SETX: variants seen among roughly 807,000 people sequenced by gnomAD.
The protein encoded by SETX is senataxin, also known as helicase senataxin.
A neutral mutation model predicts 227.2 loss-of-function variants in SETX; 90 were observed. The observed-to-expected ratio is 0.40, with a 90% CI of 0.33 to 0.47. The LOEUF is 0.47. Ranked by LOEUF, SETX falls within the 20% of genes least tolerant of loss-of-function variation. The pLI, the probability that SETX is intolerant of heterozygous loss-of-function variation, is 0.91. For missense variants in SETX, 3,052 were observed against 3,181.5 expected, an observed-to-expected ratio of 0.96 and a Z score of 0.98; for synonymous variants, 1,210 against 1,113.2, an observed-to-expected ratio of 1.09 and a Z score of -1.73.
intron 21 of SETX, among the ~76,000 whole-genome samples, chr9:132,277,789 CAAAA>C (rs372125008): frequency 1.5e-5 from 1 of 68,098 alleles, no homozygotes; most frequent in African/African-American, 4.9e-5. Flanking sequence ...ACCCTGTCTT[CAAAA>C]AAAAAAAAAA....
At chr9:132,278,401 G>C (rs964405540) in intron 20 of SETX, 144 bp from the exon 21 acceptor site, 7 of 487,656 alleles carry the variant, frequency 1.4e-5, no homozygotes, top group African/African-American at 3.9e-5. Flanking sequence ...AGAGAAAAAA[G>C]GTGTTTCTGA....
chr9:132,292,660 C>T (rs868817585), intron 15 of SETX, among the ~76,000 whole-genome samples: 2 of 137,744 alleles, frequency 1.5e-5, no homozygotes, highest in Admixed American at 7.6e-5. Flanking sequence ...ACAAGAGTCT[C>T]GCTCTGTCAC....
At chr9:132,341,964 T>C (rs1848001900) in intron 5 of SETX, among the ~76,000 whole-genome samples, 1 of 152,218 alleles carries the variant, frequency 6.6e-6, no homozygotes. Flanking sequence ...TTTTTTTTAA[T>C]ATCATTGGTA....
At chr9:132,293,420 T>C (rs2131272273) in intron 15 of SETX, among the ~76,000 whole-genome samples, 1 of 152,208 alleles carries the variant, frequency 6.6e-6, no homozygotes, top group African/African-American at 2.4e-5. Context: ...TCATTTGCTC[T>C]CTTATTTATT....
chr9:132,270,945 G>T (rs1448013656), intron 24 of SETX, among the ~76,000 whole-genome samples: 1 of 152,236 alleles, frequency 6.6e-6, no homozygotes, highest in Non-Finnish European at 1.5e-5. Flanking sequence ...GAGGGGCAAA[G>T]ATTACTTTAA....
Position 132,334,471 on chromosome 9 carries a change from A to T in SETX, c.838+137T>A. 5.1e-6 allele frequency: 5 copies of T among 977,780 alleles called. No homozygotes were observed. In the South Asian group the frequency reaches 6.8e-5, roughly 13 times the overall value. The allele number at this position is 977,780 out of a possible 1,614,324, so 60.6% of individuals were successfully genotyped here. ...ATCAAAAAACAAAACAAAACAAAAT[A>T]AAAAGTCTGAATCTATTACTAAACC... On this transcript the variant is annotated intron_variant, in intron 7 of 25. Coordinates refer to ENST00000224140, the MANE Select transcript of SETX (RefSeq NM_015046.7).
At chr9:132,356,243 C>T (rs530313254), upstream of SETX, among the ~76,000 whole-genome samples, 2 of 152,158 alleles carry the variant, frequency 1.3e-5, no homozygotes, top group African/African-American at 4.8e-5. Context: ...CGCTCTGTCA[C>T]CCAAGCTGAA....
intron 11 of SETX, among the ~76,000 whole-genome samples, chr9:132,301,393 G>C (rs981746563): frequency 4.0e-5 from 6 of 151,758 alleles, no homozygotes; most frequent in African/African-American, 7.3e-5. Flanking sequence ...GGCCTATTCT[G>C]GTTTTTAACT....
At chr9:132,333,025 C>A (rs1256696857) in intron 7 of SETX, among the ~76,000 whole-genome samples, 1 of 150,978 alleles carries the variant, frequency 6.6e-6, no homozygotes, top group Non-Finnish European at 1.5e-5. Context: ...AAGAAATGAA[C>A]AATTTATGCA....
intron 5 of SETX, among the ~76,000 whole-genome samples, chr9:132,338,217 A>C (rs1381398350): frequency 6.7e-6 from 1 of 149,884 alleles, no homozygotes; most frequent in East Asian, 2.0e-4. Flanking sequence ...TGAGCCTCCT[A>C]AGTAGCTGGG....
At chr9:132,277,976 T>C (rs1843260723) in intron 21 of SETX, 94 bp downstream of exon 21, 1 of 1,235,934 alleles carries the variant, frequency 8.1e-7, no homozygotes. Context: ...TTTATGCTTT[T>C]TATGACAAGA....
chr9:132,347,351 C>T (rs892401808), intron 3 of SETX, among the ~76,000 whole-genome samples: 6 of 151,804 alleles, frequency 4.0e-5, no homozygotes, highest in Non-Finnish European at 5.9e-5. Context: ...ATCTCGCTGT[C>T]GCCCAGGCTG....
At position 132,330,117 on chromosome 9, in the gene SETX, T is replaced by C. The variant is rs760910382; in HGVS notation, c.1481A>G (p.Lys494Arg). 1 of 1,613,498 alleles carries C rather than the reference T, an allele frequency of 6.2e-7. No individual in the cohort carries two copies. Among genetic ancestry groups the C allele is most frequent in the Non-Finnish European group, 8.5e-7 (1 of 1,179,478 alleles). ...QWVEAVVKCA[K>R]LPTTAFTRSS... ...CCGTGTAAACGCAGTGGTAGGAAGC[T>C]TGGCACATTTGACGACGGCTTCCAC... The change falls in exon 10 of 26, where the codon AAG becomes AGG. Residue 494 changes from lysine to arginine, a missense_variant. Physicochemically the swap from Lys to Arg is conservative, Grantham distance 26. Transcript: ENST00000224140.
chr9:132,327,002 T>C lies in SETX; in HGVS notation c.4596A>G (p.Glu1532=), dbSNP rs1485825432. The C allele has an allele frequency of 3.7e-6, 6 of 1,614,244 alleles. No homozygotes were observed. The highest frequency in any genetic ancestry group is 5.1e-6 in the Non-Finnish European group (6 of 1,180,040). Residue 1532 remains glutamate (E), a synonymous_variant, in exon 10 of 26, where the codon GAA becomes GAG. Coordinates refer to ENST00000224140, the MANE Select transcript of SETX (RefSeq NM_015046.7). ...ACTGAGGCCGACTTACAGAATCTTC[T>C]TCAACCTCAACTGTATCTTTTCCAT... ...LIHGKDTVEV[E]EDSVSRPQLE... is the part of the protein sequence containing the mutation.
At chr9:132,319,583 C>T (rs980705460) in intron 10 of SETX, among the ~76,000 whole-genome samples, 7 of 152,204 alleles carry the variant, frequency 4.6e-5, no homozygotes, top group Non-Finnish European at 7.3e-5. Context: ...CATCTCATGG[C>T]ATTACATTCT....
chr9:132,275,487 G>T, intron 22 of SETX, 67 bp from the exon 23 acceptor site: 1 of 1,358,698 alleles, frequency 7.4e-7, no homozygotes. Context: ...GCTAACTTAA[G>T]TTCCACTGAG....
Position 132,278,268 on chromosome 9 carries a change from C to T in SETX, c.6655-11G>A. 1.2e-6 allele frequency: 2 copies of T among 1,613,360 alleles called. No individual in the cohort carries two copies. The highest frequency in any genetic ancestry group is 8.5e-7 in the Non-Finnish European group (1 of 1,179,494). On this transcript the variant is annotated splice_polypyrimidine_tract_variant and intron_variant, in intron 20 of 25. Coordinates refer to ENST00000224140, the MANE Select transcript of SETX (RefSeq NM_015046.7). Reference sequence around the variant, plus strand: ...ATACTCCTGTGCTTTCTGTGAGGGGCAAAATAAAGCAACAGTTTCCAAGAA... The same window carrying T: ...ATACTCCTGTGCTTTCTGTGAGGGGTAAAATAAAGCAACAGTTTCCAAGAA...
intron 6 of SETX, 139 bp downstream of exon 6, chr9:132,336,157 T>G: frequency 1.4e-6 from 1 of 713,018 alleles, no homozygotes; most frequent in South Asian, 1.6e-5. Context: ...GCAGGAGAAT[T>G]GCTTGAACCT....
At chr9:132,293,238 T>C (rs933733428) in intron 15 of SETX, among the ~76,000 whole-genome samples, 4 of 152,016 alleles carry the variant, frequency 2.6e-5, no homozygotes, top group African/African-American at 4.8e-5. Flanking sequence ...ACAAAAACAC[T>C]AATGAGAAAG....
Sources: gnomAD v4.1 joint callset for allele counts (sites outside exome capture counted in the v4.1 genomes callset) on GRCh38, gnomAD v4.1.1 for gene constraint, MANE v1.5 for transcripts, NCBI Gene and HGNC (gene_info 2026-07-23, HGNC 2026-07-21) for gene names.